ESRRG: variants seen among roughly 807,000 people sequenced by gnomAD.
ESRRG encodes estrogen related receptor gamma, also known as estrogen-related receptor gamma.
Under a neutral mutation model 44.0 loss-of-function variants are expected in ESRRG, and 13 were observed. The observed-to-expected ratio is 0.30, with a 90% CI of 0.19 to 0.47. The LOEUF is 0.47. Ranked by LOEUF, ESRRG falls within the 20% of genes least tolerant of loss-of-function variation. The pLI, the probability that ESRRG is intolerant of heterozygous loss-of-function variation, is 1.00. For missense variants in ESRRG, 395 were observed against 580.6 expected (o/e 0.68, Z 3.29); for synonymous variants, 215 against 214.6 (o/e 1.00, Z -0.02).
chr1:216,929,114 TA>T (rs201922624), intron 2 of ESRRG, among the ~76,000 whole-genome samples: 267 of 151,262 alleles, frequency 1.8e-3, no homozygotes, highest in African/African-American at 3.5e-3. Context: ...TCACCACAGT[TA>T]AAAAAAAATA....
At chr1:216,712,826 G>T (rs374623250) in intron 1 of ESRRG, among the ~76,000 whole-genome samples, 1 of 152,180 alleles carries the variant, frequency 6.6e-6, no homozygotes, top group Non-Finnish European at 1.5e-5. Flanking sequence ...CCTAAATGGA[G>T]CCCAGTTGTT....
intron 2 of ESRRG, among the ~76,000 whole-genome samples, chr1:216,937,892 CA>C (rs964780095): frequency 6.7e-6 from 1 of 149,302 alleles, no homozygotes; most frequent in Non-Finnish European, 1.5e-5. Context: ...TTACCTTTTC[CA>C]AACTGAAATT....
chr1:216,848,006 G>A lies in ESRRG; in HGVS notation c.-14+91576C>T, dbSNP rs552545207. Among the ~76,000 whole-genome samples the A allele has an allele frequency of 5.3e-5, 8 of 152,278 alleles. No homozygotes were observed. In the South Asian group the frequency reaches 1.7e-3, roughly 32 times the overall value. On this transcript the variant is annotated intron_variant, in intron 2 of 7. Transcript: ENST00000359162. ...TCAGGATTATAAACATTTAGAGGCA[G>A]ATAATTCTTTGTTGTGGGAGGCTGT...
intron 1 of ESRRG, among the ~76,000 whole-genome samples, chr1:217,039,544 C>A (rs528485888): frequency 5.9e-4 from 90 of 152,254 alleles, no homozygotes; most frequent in African/African-American, 2.0e-3. Flanking sequence ...TCTCGTGAGA[C>A]CCACTCACTA....
At chr1:216,809,064 G>A (rs774185893) in intron 2 of ESRRG, among the ~76,000 whole-genome samples, 8 of 152,016 alleles carry the variant, frequency 5.3e-5, no homozygotes, top group Admixed American at 1.3e-4. Flanking sequence ...AGGGTGCTAC[G>A]CTAAATTTTT....
intron 2 of ESRRG, among the ~76,000 whole-genome samples, chr1:216,933,063 C>T (rs1189320014): frequency 6.6e-6 from 1 of 151,960 alleles, no homozygotes; most frequent in Non-Finnish European, 1.5e-5. Flanking sequence ...TCAATTTCTC[C>T]ATCTTTGAAA....
chr1:216,865,184 C>A (rs2096126889), intron 2 of ESRRG: 1 of 38,788 alleles, frequency 2.6e-5, no homozygotes, highest in Non-Finnish European at 4.0e-5. Flanking sequence ...TAAAGCTGTG[C>A]AGCAAAAAAA....
At chr1:216,657,111 T>A (rs1404463474) in intron 2 of ESRRG, among the ~76,000 whole-genome samples, 1 of 152,204 alleles carries the variant, frequency 6.6e-6, no homozygotes, top group Non-Finnish European at 1.5e-5. Context: ...CTTTCCTTTT[T>A]TTCTTTGTTT....
At chr1:216,844,954 A>G (rs1169291319) in intron 2 of ESRRG, among the ~76,000 whole-genome samples, 1 of 152,148 alleles carries the variant, frequency 6.6e-6, no homozygotes, top group African/African-American at 2.4e-5. Context: ...GAGTTTTTGC[A>G]TGGCTAATTC....
chr1:216,605,915 A>G (rs1272536300), intron 3 of ESRRG, among the ~76,000 whole-genome samples: 1 of 151,014 alleles, frequency 6.6e-6, no homozygotes, highest in East Asian at 1.9e-4. Context: ...GCTGTTGGCT[A>G]TCTTTTTTAA....
intron 1 of ESRRG, chr1:216,682,077 C>A (rs1039803537): frequency 2.0e-5 from 3 of 152,214 alleles, no homozygotes; most frequent in African/African-American, 7.2e-5. Flanking sequence ...ACCCTTTCAC[C>A]GAAATACAAG....
chr1:216,886,403 T>C (rs868124638), intron 2 of ESRRG, among the ~76,000 whole-genome samples: 1 of 152,228 alleles, frequency 6.6e-6, no homozygotes, highest in East Asian at 1.9e-4. Context: ...TGATAGCTAC[T>C]GTCTACTATT....
intron 5 of ESRRG, among the ~76,000 whole-genome samples, chr1:216,536,218 A>C (rs191389582): frequency 6.6e-6 from 1 of 152,132 alleles, no homozygotes; most frequent in African/African-American, 2.4e-5. Flanking sequence ...ACAAAACTAT[A>C]TCACCAGTAC....
chr1:216,762,089 A>G (rs145887637), intron 2 of ESRRG, among the ~76,000 whole-genome samples: 1 of 152,068 alleles, frequency 6.6e-6, no homozygotes, highest in East Asian at 1.9e-4. Flanking sequence ...TTTTCCTTCA[A>G]ATAGGCAAAA....
intron 5 of ESRRG, among the ~76,000 whole-genome samples, chr1:216,529,409 C>A (rs1167957134): frequency 6.6e-6 from 1 of 152,042 alleles, no homozygotes; most frequent in African/African-American, 2.4e-5. Context: ...AGGAGAAACA[C>A]AAGCAGATGA....
intron 2 of ESRRG, among the ~76,000 whole-genome samples, chr1:216,746,724 G>A (rs1031603278): frequency 4.6e-5 from 7 of 152,116 alleles, no homozygotes; most frequent in Admixed American, 1.3e-4. Flanking sequence ...CATGTGCACT[G>A]AATCTTCATC....
At chr1:217,068,652 A>C (rs1012808374) in intron 1 of ESRRG, among the ~76,000 whole-genome samples, 1 of 152,230 alleles carries the variant, frequency 6.6e-6, no homozygotes, top group Non-Finnish European at 1.5e-5. Context: ...ATTAGAAGAA[A>C]TACATCGAGA....
At chr1:216,695,459 T>C (rs1296147443) in intron 1 of ESRRG, among the ~76,000 whole-genome samples, 1 of 152,172 alleles carries the variant, frequency 6.6e-6, no homozygotes, top group Non-Finnish European at 1.5e-5. Flanking sequence ...GATTTTATGA[T>C]TTCATACAAC....
At position 216,916,800 on chromosome 1, in the gene ESRRG, G is replaced by C. The variant is rs141549459; in HGVS notation, c.-14+22782C>G. On this transcript the variant is annotated intron_variant, in intron 2 of 7. Coordinates refer to the ESRRG transcript ENST00000359162. The stretch of plus-strand genomic sequence containing the variant: ...AAAAATATACATACATTACAGCCAG[G>C]GTGATCTGGGTTCAAATTCCACTCA... Among the ~76,000 whole-genome samples, 788 of 133,300 alleles carry C rather than the reference G, an allele frequency of 5.9e-3. 3 individuals carry two copies. Among genetic ancestry groups the C allele is most frequent in the Non-Finnish European group, 9.3e-3 (604 of 64,888 alleles). The allele number at this position is 133,300 out of a possible 152,430, so 87.4% of individuals were successfully genotyped here. A position where few individuals can be genotyped will look rare whatever the true frequency, so the allele number is the denominator to read the frequency against.
Sources: allele counts gnomAD v4.1 joint callset (sites outside exome capture counted in the v4.1 genomes callset), GRCh38; gene constraint gnomAD v4.1.1; transcripts MANE v1.5; gene names NCBI Gene and HGNC (gene_info 2026-07-23, HGNC 2026-07-21).